The following NCOA2 variants were observed in gnomAD, a reference collection of about 807,000 sequenced individuals.
The protein encoded by NCOA2 is nuclear receptor coactivator 2, also known as class E basic helix-loop-helix protein 75.
In NCOA2, 21 loss-of-function variants were observed where a neutral mutation model predicts 145.1. The ratio of observed to expected loss-of-function variants is 0.14; its 90% CI spans 0.10 to 0.21. The LOEUF (loss-of-function observed/expected upper bound fraction) is 0.21. Among genes scored for constraint, NCOA2 ranks in the 10% least tolerant of loss-of-function variants. The pLI is 1.00. For missense variants in NCOA2, 1,472 were observed against 1,837.6 expected, an observed-to-expected ratio of 0.80 and a Z score of 3.64; for synonymous variants, 619 against 637.5, an observed-to-expected ratio of 0.97 and a Z score of 0.44.
At chr8:70,139,397 T>C (rs937485193) in intron 14 of NCOA2, among the ~76,000 whole-genome samples, 1 of 152,160 alleles carries the variant, frequency 6.6e-6, no homozygotes, top group South Asian at 2.1e-4. Flanking sequence ...TTTTAATCAA[T>C]AAATATTTTT....
chr8:70,406,601 A>C (rs1001081487), upstream of NCOA2, among the ~76,000 whole-genome samples: 1 of 152,210 alleles, frequency 6.6e-6, no homozygotes, highest in Non-Finnish European at 1.5e-5. Context: ...TGAATGGATG[A>C]GGCAAGGAAA....
rs1402930524 is a variant in NCOA2 at position 70,141,374 on chromosome 8, C to T, written c.2838G>A (p.Arg946=). 2 of 1,613,750 alleles carry T rather than the reference C, an allele frequency of 1.2e-6. No individual in the cohort carries two copies. Residue 946 remains arginine (R), a synonymous_variant, in exon 14 of 23, where the codon CGG becomes CGA. Coordinates refer to ENST00000452400, the MANE Select transcript of NCOA2 (RefSeq NM_006540.4). ...CCCATTCTCCAGATGGCATAGTAGG[C>T]CGAGAAGCACTGTTACCAATCATTC... ...STGMIGNSAS[R]PTMPSGEWAP... is the part of the protein sequence containing the mutation.
intron 1 of NCOA2, among the ~76,000 whole-genome samples, chr8:70,297,461 G>C (rs1158581351): frequency 6.6e-6 from 1 of 152,120 alleles, no homozygotes. Context: ...AGCCTCCCAA[G>C]TAGCCAGGAC....
chr8:70,111,289 A>T lies in NCOA2; in HGVS notation c.*2343T>A, dbSNP rs1806517377. 4.4e-6 allele frequency: 1 copy of T among 226,922 alleles called. No homozygotes were observed. The highest frequency in any genetic ancestry group is 8.8e-6 in the Non-Finnish European group (1 of 114,106). 14.1% of individuals were successfully genotyped at this position (226,922 alleles called of 1,614,324 possible). On this transcript the variant is annotated 3_prime_UTR_variant, in exon 23 of 23. Transcript: ENST00000452400. ...ATAGTTTTGGACGGTGTTGTAGTGA[A>T]AAGGGACTTGAAACTCAAAACAAAA...
chr8:70,183,016 T>C (rs1815661192), intron 4 of NCOA2, among the ~76,000 whole-genome samples: 1 of 152,204 alleles, frequency 6.6e-6, no homozygotes, highest in Non-Finnish European at 1.5e-5. Context: ...TAATGGTGCA[T>C]CTCTATTTGT....
intron 4 of NCOA2, among the ~76,000 whole-genome samples, chr8:70,191,072 T>C (rs773956431): frequency 2.6e-5 from 4 of 152,140 alleles, no homozygotes; most frequent in Non-Finnish European, 5.9e-5. Flanking sequence ...TTACAAACAC[T>C]GATACCAGGT....
Position 70,162,823 on chromosome 8 carries a change from C to G in NCOA2, c.864G>C (p.Met288Ile), listed in dbSNP as rs1813177576. The stretch of plus-strand genomic sequence containing the variant: ...CCCAGCCTGGTTTCATGGCTGCTCT[C>G]ATGGTGCTGGTATCCAGAGACGTGA... ...GKITSLDTST[M>I]RAAMKPGWED... is the part of the protein sequence containing the mutation. Residue 288 changes from methionine (M) to isoleucine (I), a missense_variant, in exon 9 of 23, where the codon ATG becomes ATC. Met to Ile is a conservative substitution (Grantham distance 10). Transcript: ENST00000452400. 1.2e-6 allele frequency: 2 copies of G among 1,613,534 alleles called. No individual in the cohort carries two copies. Among genetic ancestry groups the G allele is most frequent in the Non-Finnish European group, 1.7e-6 (2 of 1,179,778 alleles).
the NCOA2 span, among the ~76,000 whole-genome samples, chr8:70,440,952 A>G: frequency 6.6e-6 from 1 of 150,744 alleles, no homozygotes; most frequent in Non-Finnish European, 1.5e-5. Flanking sequence ...AGGAAGAAGA[A>G]AGAAAGAAAA....
the NCOA2 span, among the ~76,000 whole-genome samples, chr8:70,433,835 G>A: frequency 6.6e-6 from 1 of 152,142 alleles, no homozygotes; most frequent in Non-Finnish European, 1.5e-5. Flanking sequence ...GGCACCAGGA[G>A]GAGAAGCACA....
chr8:70,228,004 C>CAAA lies in NCOA2; in HGVS notation c.-19-11243_-19-11241dup, dbSNP rs34992637. On this transcript the variant is annotated intron_variant, in intron 2 of 22. Coordinates refer to ENST00000452400, the MANE Select transcript of NCOA2 (RefSeq NM_006540.4). ...TGGGCGACAGAGTGAGACTCCATCT[C>CAAA]AAAAAAAAAAAAAAAAAGCCAAATT... Among the ~76,000 whole-genome samples the CAAA allele has an allele frequency of 5.0e-4, 56 of 112,184 alleles. 1 individual carries two copies. Among genetic ancestry groups the CAAA allele is most frequent in the African/African-American group, 1.8e-3 (53 of 29,496 alleles). 73.6% of individuals were successfully genotyped at this position (112,184 alleles called of 152,430 possible).
chr8:70,301,987 T>A (rs1041352418), intron 1 of NCOA2, among the ~76,000 whole-genome samples: 1 of 152,166 alleles, frequency 6.6e-6, no homozygotes, highest in Non-Finnish European at 1.5e-5. Context: ...ACTCATAATA[T>A]ATGATTAATA....
At chr8:70,220,715 C>CA (rs2134017638) in intron 2 of NCOA2, among the ~76,000 whole-genome samples, 1 of 152,264 alleles carries the variant, frequency 6.6e-6, no homozygotes, top group African/African-American at 2.4e-5. Context: ...TATAAGGTAA[C>CA]AAAGCTGTTG....
chr8:70,442,143 GAAAGAAAGAAAGAAAGA>G, the NCOA2 span, among the ~76,000 whole-genome samples: 474 of 127,500 alleles, frequency 3.7e-3, 2 homozygotes, highest in African/African-American at 0.017. Context: ...AAGAAAGAAA[GAAAGAAAGAAAGAAAGA>G]AAGAGAAAGG....
At chr8:70,413,999 A>G in the NCOA2 span, among the ~76,000 whole-genome samples, 4 of 152,246 alleles carry the variant, frequency 2.6e-5, no homozygotes, top group East Asian at 1.9e-4. Flanking sequence ...TTATTCCTAT[A>G]TCTGTCACAC....
At chr8:70,408,602 C>T (rs943740904), upstream of NCOA2, among the ~76,000 whole-genome samples, 3 of 151,976 alleles carry the variant, frequency 2.0e-5, no homozygotes, top group Non-Finnish European at 4.4e-5. Flanking sequence ...AGTTGTAGAC[C>T]AGCGTGGGCA....
chr8:70,392,507 A>AT (rs1813296085), intron 1 of NCOA2, among the ~76,000 whole-genome samples: 1 of 152,238 alleles, frequency 6.6e-6, no homozygotes, highest in Non-Finnish European at 1.5e-5. Context: ...AGTATATATT[A>AT]ATGTGTGAAC....
At chr8:70,186,826 T>G (rs1816131580) in intron 4 of NCOA2, among the ~76,000 whole-genome samples, 1 of 152,224 alleles carries the variant, frequency 6.6e-6, no homozygotes, top group Admixed American at 6.5e-5. Flanking sequence ...CTTCCTAATT[T>G]GTAAAAATGT....
intron 1 of NCOA2, among the ~76,000 whole-genome samples, chr8:70,364,937 G>A (rs1051654259): frequency 3.3e-5 from 5 of 151,742 alleles, no homozygotes; most frequent in African/African-American, 1.2e-4. Context: ...GTTTCTGCAA[G>A]TCTAGGAGGG....
intron 2 of NCOA2, among the ~76,000 whole-genome samples, chr8:70,285,933 C>G (rs4738086): frequency 0.055 from 8,357 of 152,148 alleles, 307 homozygotes; most frequent in East Asian, 0.16. Context: ...AACTACCTAC[C>G]TGACAATATG....
Sources: gnomAD v4.1 joint callset for allele counts (sites outside exome capture counted in the v4.1 genomes callset) on GRCh38, gnomAD v4.1.1 for gene constraint, MANE v1.5 for transcripts, NCBI Gene and HGNC (gene_info 2026-07-23, HGNC 2026-07-21) for gene names.